The following PAM variants were observed in gnomAD, a reference collection of about 807,000 sequenced individuals.
The protein encoded by PAM is peptidylglycine alpha-amidating monooxygenase, also known as peptidyl-glycine alpha-amidating monooxygenase.
Under a neutral mutation model 122.1 loss-of-function variants are expected in PAM, and 72 were observed. That is an observed-to-expected ratio of 0.59 (90% CI 0.49 to 0.72). PAM has a LOEUF of 0.72. Ranked by LOEUF, PAM falls within the 30% of genes least tolerant of loss-of-function variation. The probability of loss-of-function intolerance (pLI) is 0.00; values close to 1 mark genes in which losing one functional copy is unlikely to be tolerated. For synonymous variants in PAM, 389 were observed against 404.4 expected (o/e 0.96, Z 0.46); for missense variants, 1,106 against 1,183.7 (o/e 0.93, Z 0.96).
At chr5:102,776,073 G>C (rs150613837) in intron 1 of PAM, among the ~76,000 whole-genome samples, 1 of 152,030 alleles carries the variant, frequency 6.6e-6, no homozygotes, top group Non-Finnish European at 1.5e-5. Context: ...GTTTTGATTT[G>C]CATTTCTCTA....
At chr5:102,779,890 T>TAC in intron 1 of PAM, among the ~76,000 whole-genome samples, 1 of 82,372 alleles carries the variant, frequency 1.2e-5, no homozygotes, top group Non-Finnish European at 2.3e-5. Context: ...CATATACATA[T>TAC]ATATATATAT....
intron 3 of PAM, among the ~76,000 whole-genome samples, chr5:102,886,380 T>A (rs1793097122): frequency 6.6e-6 from 1 of 151,984 alleles, no homozygotes; most frequent in Non-Finnish European, 1.5e-5. Context: ...ATATATAATA[T>A]TTTTATAGTA....
chr5:102,882,451 T>C (rs1482641449), intron 3 of PAM, among the ~76,000 whole-genome samples: 4 of 152,022 alleles, frequency 2.6e-5, no homozygotes, highest in Admixed American at 2.0e-4. Flanking sequence ...CATTGTGATA[T>C]TGATTTGCAT....
chr5:102,985,089 AAGAGGGGAGTTTGT>A (rs1771308374), intron 15 of PAM, among the ~76,000 whole-genome samples: 1 of 152,152 alleles, frequency 6.6e-6, no homozygotes, highest in Admixed American at 6.5e-5. Flanking sequence ...AAGCAGTGCT[AAGAGGGGAGTTTGT>A]AGCAGTAAAT....
At chr5:103,007,370 A>T in intron 19 of PAM, 87 bp from the exon 20 acceptor site, 1 of 1,048,232 alleles carries the variant, frequency 9.5e-7, no homozygotes. Context: ...TTAATGGTTT[A>T]CTATCATGAA....
intron 23 of PAM, among the ~76,000 whole-genome samples, chr5:103,022,341 G>A (rs1010529273): frequency 1.3e-5 from 2 of 151,894 alleles, no homozygotes; most frequent in African/African-American, 4.8e-5. Flanking sequence ...TGTCTGTGAT[G>A]AACTGGGATA....
intron 3 of PAM, among the ~76,000 whole-genome samples, chr5:102,900,410 ATC>A (rs879854846): frequency 1.3e-5 from 2 of 151,628 alleles, no homozygotes; most frequent in Non-Finnish European, 3.0e-5. Context: ...AATAGATCAC[ATC>A]TCAGTAATTT....
chr5:103,004,008 G>A (rs901603278), intron 17 of PAM, among the ~76,000 whole-genome samples: 1 of 152,036 alleles, frequency 6.6e-6, no homozygotes, highest in Non-Finnish European at 1.5e-5. Context: ...AAGTGAGGGA[G>A]GCACTTGCTT....
At chr5:102,876,845 A>G (rs1789374526) in intron 3 of PAM, among the ~76,000 whole-genome samples, 1 of 150,104 alleles carries the variant, frequency 6.7e-6, no homozygotes, top group Non-Finnish European at 1.5e-5. Flanking sequence ...CAAACAGTAG[A>G]TTTTTTTGGC....
chr5:102,955,538 A>G (rs1224945908), intron 12 of PAM, among the ~76,000 whole-genome samples: 1 of 152,104 alleles, frequency 6.6e-6, no homozygotes, highest in Admixed American at 6.6e-5. Context: ...TTTCAGGCTC[A>G]CACATTATGT....
intron 1 of PAM, among the ~76,000 whole-genome samples, chr5:102,804,203 G>A (rs1048805710): frequency 6.6e-6 from 1 of 152,196 alleles, no homozygotes; most frequent in Non-Finnish European, 1.5e-5. Flanking sequence ...ACGCTGAAAC[G>A]GTGAAATGTG....
At chr5:102,973,656 G>A (rs1582396048) in intron 14 of PAM, among the ~76,000 whole-genome samples, 1 of 152,270 alleles carries the variant, frequency 6.6e-6, no homozygotes, top group East Asian at 1.9e-4. Flanking sequence ...TACAGGAAAT[G>A]TATATTTCCT....
intron 1 of PAM, among the ~76,000 whole-genome samples, chr5:102,766,877 A>C (rs1203283026): frequency 9.8e-6 from 1 of 101,622 alleles, no homozygotes; most frequent in East Asian, 3.0e-4. Context: ...TATTCGTATA[A>C]TTTTTATGTG....
chr5:102,885,094 T>C (rs867390658), intron 3 of PAM, among the ~76,000 whole-genome samples: 2 of 147,790 alleles, frequency 1.4e-5, no homozygotes, highest in African/African-American at 5.2e-5. Flanking sequence ...TATATATATA[T>C]AACTATAAAA....
chr5:102,836,897 A>AGAGAGAGAGAGG (rs757331974), intron 1 of PAM, among the ~76,000 whole-genome samples: 2 of 146,544 alleles, frequency 1.4e-5, no homozygotes, highest in African/African-American at 4.9e-5. Flanking sequence ...AGAGAGAGAG[A>AGAGAGAGAGAGG]GGTGCAAAAT....
chr5:103,004,325 A>T (rs1197314699), intron 17 of PAM, among the ~76,000 whole-genome samples: 1 of 152,164 alleles, frequency 6.6e-6, no homozygotes, highest in Non-Finnish European at 1.5e-5. Flanking sequence ...CCATCGGTGG[A>T]GTATCTGTTT....
rs573954352 is a variant in PAM, at chr5:103,004,345, T to C, written c.1731-809T>C. On this transcript the variant is annotated intron_variant, in intron 17 of 25. Coordinates refer to ENST00000438793, the MANE Select transcript of PAM (RefSeq NM_001177306.2). The stretch of plus-strand genomic sequence containing the variant: ...GGTGGAGTATCTGTTTGAAAGCAAA[T>C]CATAATCCTCACATTCAGTTGTCAA... Among the ~76,000 whole-genome samples the C allele has an allele frequency of 7.2e-5, 11 of 152,224 alleles. No individual in the cohort carries two copies. The South Asian group carries it at 2.1e-3, about 29-fold the overall frequency.
Position 102,823,534 on chromosome 5 carries a change from A to G in PAM, c.-373-42289A>G, listed in dbSNP as rs554148548. On this transcript the variant is annotated intron_variant, in intron 1 of 25. Coordinates refer to ENST00000438793, the MANE Select transcript of PAM (RefSeq NM_001177306.2). ...ATAACTGGGTGATTCAGACTTTCCT[A>G]CATCTGTGACTTGATTCCTGAAAGG... 9.6e-4 allele frequency among the ~76,000 whole-genome samples: 147 copies of G among 152,342 alleles called. 1 individual carries two copies. Among genetic ancestry groups the G allele is most frequent in the African/African-American group, 3.3e-3 (138 of 41,588 alleles).
chr5:102,931,733 A>G (rs930980446), intron 7 of PAM, among the ~76,000 whole-genome samples: 1 of 152,186 alleles, frequency 6.6e-6, no homozygotes, highest in Admixed American at 6.5e-5. Flanking sequence ...CTTCCAAACT[A>G]TAATCCACTT....
Sources: gnomAD v4.1 joint callset for allele counts (sites outside exome capture counted in the v4.1 genomes callset) on GRCh38, gnomAD v4.1.1 for gene constraint, MANE v1.5 for transcripts, NCBI Gene and HGNC (gene_info 2026-07-23, HGNC 2026-07-21) for gene names.